The following EYA4 variants were observed in gnomAD, a reference collection of about 807,000 sequenced individuals.
EYA4 encodes the protein EYA transcriptional coactivator and phosphatase 4, also known as protein phosphatase EYA4.
Under a neutral mutation model 87.9 loss-of-function variants are expected in EYA4, and 31 were observed. That is an observed-to-expected ratio of 0.35 (90% confidence interval 0.27 to 0.48). The LOEUF is 0.48. Among genes scored for constraint, EYA4 ranks in the 20% least tolerant of loss-of-function variants. The pLI, the probability that EYA4 is intolerant of heterozygous loss-of-function variation, is 0.99. For missense variants in EYA4, 678 were observed against 761.4 expected (o/e 0.89, Z 1.29); for synonymous variants, 263 against 270.6 (o/e 0.97, Z 0.28).
intron 1 of EYA4, among the ~76,000 whole-genome samples, chr6:133,252,983 ACACACACT>A (rs970860779): frequency 1.7e-5 from 2 of 116,126 alleles, no homozygotes; most frequent in African/African-American, 3.3e-5. Context: ...ACACACACAC[ACACACACT>A]CACTCTCTCT....
intron 19 of EYA4, among the ~76,000 whole-genome samples, chr6:133,526,455 G>T (rs1462205039): frequency 1.3e-5 from 2 of 152,102 alleles, no homozygotes; most frequent in African/African-American, 2.4e-5. Context: ...GAAAGGAAAT[G>T]ATGTATGTTT....
At chr6:133,311,389 G>A (rs888079459) in intron 2 of EYA4, among the ~76,000 whole-genome samples, 14 of 152,110 alleles carry the variant, frequency 9.2e-5, no homozygotes, top group South Asian at 4.1e-4. Context: ...GCAGTGATGC[G>A]ATCACGGCTC....
At chr6:133,444,805 C>A (rs537933827) in intron 3 of EYA4, among the ~76,000 whole-genome samples, 1 of 152,276 alleles carries the variant, frequency 6.6e-6, no homozygotes, top group African/African-American at 2.4e-5. Context: ...GATGTCTGGG[C>A]AGCGTACTAA....
At chr6:133,438,740 AT>A (rs1402909615) in intron 3 of EYA4, among the ~76,000 whole-genome samples, 1 of 151,806 alleles carries the variant, frequency 6.6e-6, no homozygotes, top group African/African-American at 2.4e-5. Context: ...AATTTGTTTG[AT>A]CATTTAAATT....
chr6:133,493,047 A>G (rs1797324903), intron 13 of EYA4, among the ~76,000 whole-genome samples: 1 of 152,200 alleles, frequency 6.6e-6, no homozygotes, highest in Admixed American at 6.5e-5. Flanking sequence ...TATCAATTCA[A>G]TGCAATCACT....
chr6:133,453,989 T>C (rs1363302909), intron 5 of EYA4, among the ~76,000 whole-genome samples: 1 of 152,072 alleles, frequency 6.6e-6, no homozygotes, highest in African/African-American at 2.4e-5. Context: ...CCTTTTGACC[T>C]CCCCAAACTT....
intron 13 of EYA4, among the ~76,000 whole-genome samples, chr6:133,500,837 T>G (rs1171851221): frequency 6.6e-6 from 1 of 152,172 alleles, no homozygotes; most frequent in African/African-American, 2.4e-5. Context: ...GAGCCCATTT[T>G]CCCCTCTGGT....
intron 2 of EYA4, among the ~76,000 whole-genome samples, chr6:133,331,814 G>T (rs944983866): frequency 2.6e-5 from 4 of 152,198 alleles, no homozygotes; most frequent in African/African-American, 9.7e-5. Context: ...CTTTTTCAGA[G>T]TAATTTGGGG....
At chr6:133,336,644 G>A (rs72993984) in intron 2 of EYA4, among the ~76,000 whole-genome samples, 14,799 of 152,142 alleles carry the variant, frequency 0.097, 847 homozygotes, top group South Asian at 0.14. Context: ...TAGTACAATT[G>A]GAGATATTAG....
At chr6:133,313,934 GA>G (rs1780432333) in intron 2 of EYA4, among the ~76,000 whole-genome samples, 1 of 152,094 alleles carries the variant, frequency 6.6e-6, no homozygotes, top group Admixed American at 6.6e-5. Flanking sequence ...ACTTTGGTTA[GA>G]AATGGTCTGT....
chr6:133,261,731 C>G (rs1002782921), intron 1 of EYA4, among the ~76,000 whole-genome samples: 1 of 152,190 alleles, frequency 6.6e-6, no homozygotes, highest in African/African-American at 2.4e-5. Context: ...GTTGCAGATA[C>G]TACTCTACTG....
intron 2 of EYA4, among the ~76,000 whole-genome samples, chr6:133,296,705 T>C (rs184337284): frequency 7.2e-5 from 11 of 152,304 alleles, no homozygotes; most frequent in Non-Finnish European, 8.8e-5. Flanking sequence ...AGGTTTTTTT[T>C]CTCCTCTATA....
At chr6:133,320,866 T>C (rs956876736) in intron 2 of EYA4, among the ~76,000 whole-genome samples, 1 of 152,200 alleles carries the variant, frequency 6.6e-6, no homozygotes, top group Non-Finnish European at 1.5e-5. Flanking sequence ...CTCTCTTTTA[T>C]GGCCTCCTAG....
intron 13 of EYA4, 104 bp from the exon 14 acceptor site, chr6:133,506,002 T>C (rs1798579815): frequency 1.3e-6 from 1 of 768,322 alleles, no homozygotes; most frequent in Admixed American, 1.9e-5. Context: ...TAAAAACCCA[T>C]GCAGTCTTCT....
At chr6:133,399,228 T>C (rs1788056979) in intron 3 of EYA4, among the ~76,000 whole-genome samples, 2 of 152,178 alleles carry the variant, frequency 1.3e-5, no homozygotes, top group Admixed American at 6.5e-5. Flanking sequence ...ATTTCTTCTT[T>C]CTGATAGTAA....
chr6:133,349,616 C>T (rs1024892035), intron 2 of EYA4, among the ~76,000 whole-genome samples: 4 of 151,150 alleles, frequency 2.6e-5, no homozygotes, highest in African/African-American at 9.9e-5. Flanking sequence ...AACAAAATGC[C>T]TCATGATCCA....
chr6:133,272,988 C>T (rs941330625), intron 1 of EYA4, among the ~76,000 whole-genome samples: 62 of 151,680 alleles, frequency 4.1e-4, no homozygotes, highest in Admixed American at 8.5e-4. Context: ...AGGAGCCAAA[C>T]GCTGGGTTAA....
Position 133,317,044 on chromosome 6 carries a change from A to T in EYA4, c.33+42231A>T, listed in dbSNP as rs186575787. ...CCATTTTGGATCAAAAAAGGAAATG[A>T]CAAAGAGAGACAGAAATAGAGGTTA... On this transcript the variant is annotated intron_variant, in intron 2 of 19. Transcript: ENST00000355286. 3.9e-5 allele frequency among the ~76,000 whole-genome samples: 6 copies of T among 152,338 alleles called. No individual in the cohort carries two copies. The East Asian group carries it at 1.2e-3, about 29-fold the overall frequency.
chr6:133,479,658 G>A (rs1645331693), intron 11 of EYA4, among the ~76,000 whole-genome samples: 1 of 151,990 alleles, frequency 6.6e-6, no homozygotes, highest in South Asian at 2.1e-4. Context: ...ATTTAATGTA[G>A]TTTACCTTCT....
Sources: gnomAD v4.1 joint callset for allele counts (sites outside exome capture counted in the v4.1 genomes callset) on GRCh38, gnomAD v4.1.1 for gene constraint, MANE v1.5 for transcripts, NCBI Gene and HGNC (gene_info 2026-07-23, HGNC 2026-07-21) for gene names.